The following RFX7 variants were observed in gnomAD, a reference collection of about 807,000 sequenced individuals.
RFX7 encodes the protein regulatory factor X7, also known as DNA-binding protein RFX7.
RFX7 carries 26 observed loss-of-function variants against 111.8 expected under a neutral mutation model. The ratio of observed to expected loss-of-function variants is 0.23; its 90% CI spans 0.17 to 0.32. RFX7 has a LOEUF of 0.32. Among genes scored for constraint, RFX7 ranks in the 10% least tolerant of loss-of-function variants. RFX7 has a pLI of 1.00. For missense variants in RFX7, 1,573 were observed against 1,772.9 expected (o/e 0.89, Z 2.02); for synonymous variants, 624 against 624.4 (o/e 1.00, Z 0.01).
At chr15:56,098,041 C>T in intron 9 of RFX7, 40 bp downstream of exon 9, 1 of 1,578,436 alleles carries the variant, frequency 6.3e-7, no homozygotes, top group Non-Finnish European at 8.6e-7. Flanking sequence ...GTTGATTTCC[C>T]ACCATCCCAA....
In RFX7 at chr15:56,088,449, A is replaced by G. The variant is rs911669725; in HGVS notation, c.*4896T>C. 6.6e-6 allele frequency: 1 copy of G among 152,218 alleles called. No homozygotes were observed. Among genetic ancestry groups the G allele is most frequent in the Admixed American group, 6.5e-5 (1 of 15,280 alleles). The allele number at this position is 152,218 out of a possible 1,614,324, so 9.4% of individuals were successfully genotyped here. On this transcript the variant is annotated 3_prime_UTR_variant, in exon 10 of 10. Transcript: ENST00000559447. ...ACCACAGTAATATCACTCTCATGAT[A>G]TATTTTATTTATATGACTCTCTTCT... is the stretch of plus-strand genomic sequence containing the variant.
At chr15:56,233,557 A>C (rs1220810791) in intron 2 of RFX7, among the ~76,000 whole-genome samples, 2 of 152,204 alleles carry the variant, frequency 1.3e-5, no homozygotes, top group Non-Finnish European at 2.9e-5. Flanking sequence ...GGACACGAGG[A>C]TGAGAGAAAA....
chr15:56,221,607 T>C (rs2043427264), intron 2 of RFX7, among the ~76,000 whole-genome samples: 1 of 152,192 alleles, frequency 6.6e-6, no homozygotes, highest in South Asian at 2.1e-4. Flanking sequence ...TTCATTCTGT[T>C]CCACTGTTCC....
intron 5 of RFX7, among the ~76,000 whole-genome samples, chr15:56,138,209 G>T (rs1370043445): frequency 1.5e-5 from 2 of 130,554 alleles, no homozygotes; most frequent in African/African-American, 5.8e-5. Context: ...AATGTTGACA[G>T]TGGGGTGTTA....
chr15:56,111,661 C>CA (rs371681721), intron 5 of RFX7, among the ~76,000 whole-genome samples: 36,538 of 95,536 alleles, frequency 0.38, 7,404 homozygotes, highest in Non-Finnish European at 0.47. Context: ...ATAAATAAAC[C>CA]AAAAAAAAAA....
intron 5 of RFX7, among the ~76,000 whole-genome samples, chr15:56,135,940 A>G (rs1164020666): frequency 6.6e-6 from 1 of 152,080 alleles, no homozygotes; most frequent in Admixed American, 6.6e-5. Context: ...ATGCGGCATT[A>G]TTTTTGAGGG....
intron 3 of RFX7, among the ~76,000 whole-genome samples, chr15:56,153,038 T>C (rs1049033836): frequency 3.3e-5 from 5 of 152,112 alleles, no homozygotes; most frequent in African/African-American, 4.8e-5. Flanking sequence ...AATAGACCAA[T>C]AACAAGCTCT....
At chr15:56,181,763 A>G (rs758945020) in intron 2 of RFX7, among the ~76,000 whole-genome samples, 1 of 152,166 alleles carries the variant, frequency 6.6e-6, no homozygotes, top group Non-Finnish European at 1.5e-5. Context: ...GGTTCTATCC[A>G]CCTATCACAA....
rs551759750 is a variant in RFX7 at position 56,217,322 on chromosome 15, C to T, written c.161+25803G>A. Among the ~76,000 whole-genome samples, 45 of 152,210 alleles carry T rather than the reference C, an allele frequency of 3.0e-4. No homozygotes were observed. The South Asian group carries it at 3.7e-3, about 13-fold the overall frequency. Reference sequence around the variant, plus strand: ...CACAATATATCATGCAGTCCACTTTCGCATTTTCCCTAATTATCTCAAGAA... The same window carrying T: ...CACAATATATCATGCAGTCCACTTTTGCATTTTCCCTAATTATCTCAAGAA... On this transcript the variant is annotated intron_variant, in intron 2 of 9. Transcript: ENST00000559447.
intron 2 of RFX7, among the ~76,000 whole-genome samples, chr15:56,196,925 C>T (rs1470648751): frequency 1.3e-5 from 2 of 152,040 alleles, no homozygotes; most frequent in South Asian, 2.1e-4. Flanking sequence ...CACAAATATT[C>T]GCACACACAC....
At chr15:56,172,656 C>G (rs1335984232) in intron 3 of RFX7, among the ~76,000 whole-genome samples, 4 of 152,112 alleles carry the variant, frequency 2.6e-5, no homozygotes, top group African/African-American at 9.7e-5. Context: ...TGGAGTACCA[C>G]AAGGCAACTT....
At chr15:56,189,254 G>A (rs1432975049) in intron 2 of RFX7, among the ~76,000 whole-genome samples, 1 of 152,098 alleles carries the variant, frequency 6.6e-6, no homozygotes, top group Non-Finnish European at 1.5e-5. Flanking sequence ...AGGCGTGGTG[G>A]TGCATGCCTG....
At chr15:56,131,555 G>A (rs919106957) in intron 5 of RFX7, among the ~76,000 whole-genome samples, 3 of 152,044 alleles carry the variant, frequency 2.0e-5, no homozygotes, top group Non-Finnish European at 4.4e-5. Flanking sequence ...CACTGTGCCC[G>A]GCCTATATTA....
At chr15:56,102,123 T>A (rs1249635800) in intron 7 of RFX7, 46 bp downstream of exon 7, 4 of 1,373,538 alleles carry the variant, frequency 2.9e-6, no homozygotes, top group African/African-American at 1.4e-5. Flanking sequence ...AATGTTAATA[T>A]AAAGGTACAA....
At position 56,184,516 on chromosome 15, in the gene RFX7, G is replaced by A. The variant is rs150284860; in HGVS notation, c.162-5213C>T. On this transcript the variant is annotated intron_variant, in intron 2 of 9. Coordinates refer to ENST00000559447, the MANE Select transcript of RFX7 (RefSeq NM_022841.7). ...TAGAAGATATCCTTGTTTTGTTTCC[G>A]CATTAAAGAATTTACTTCTAAACTT... 1.1e-3 allele frequency among the ~76,000 whole-genome samples: 166 copies of A among 151,864 alleles called. 1 individual carries two copies. Among genetic ancestry groups the A allele is most frequent in the African/African-American group, 3.8e-3 (157 of 41,426 alleles).
intron 5 of RFX7, among the ~76,000 whole-genome samples, chr15:56,115,531 G>GAC (rs768597473): frequency 1.2e-4 from 18 of 151,906 alleles, no homozygotes; most frequent in Non-Finnish European, 2.5e-4. Context: ...TTAAAGCAAA[G>GAC]ACACACACAC....
Position 56,094,235 on chromosome 15 carries a change from G to C in RFX7, c.3493C>G (p.Arg1165Gly). The C allele has an allele frequency of 6.2e-7, 1 of 1,613,912 alleles. No individual in the cohort carries two copies. The highest frequency in any genetic ancestry group is 8.5e-7 in the Non-Finnish European group (1 of 1,179,844). The change falls in exon 10 of 10, where the codon CGG becomes GGG. Residue 1165 changes from arginine (R) to glycine (G), a missense_variant. Physicochemically the swap from Arg to Gly is moderately radical, Grantham distance 125. Around this residue, in one of 7 missense-constraint regions of RFX7, gnomAD observed 411 missense variants for 478.1 expected, o/e 0.86. Coordinates refer to ENST00000559447, the MANE Select transcript of RFX7 (RefSeq NM_022841.7). Reference protein sequence around the residue: ...NSSASSNFRCRSVSPAVHRQR... With the variant: ...NSSASSNFRCGSVSPAVHRQR... ...CGATGAACAGCAGGGCTCACACTCCGGCATCTGAAGTTGCTGCTGGCAGAT... is the reference window on the plus strand; with the variant it reads ...CGATGAACAGCAGGGCTCACACTCCCGCATCTGAAGTTGCTGCTGGCAGAT...
Position 56,239,890 on chromosome 15 carries a change from G to C in RFX7, c.161+3235C>G, listed in dbSNP as rs112738712. Among the ~76,000 whole-genome samples the C allele has an allele frequency of 5.8e-3, 885 of 151,292 alleles. 3 individuals carry two copies. The highest frequency in any genetic ancestry group is 0.01 in the Middle Eastern group (3 of 292). Reference sequence around the variant, plus strand: ...TTAAAAAGGTAAATAAAAGGACTTAGTAAATGTGTTTACTGTTGCTTACAC... The same window carrying C: ...TTAAAAAGGTAAATAAAAGGACTTACTAAATGTGTTTACTGTTGCTTACAC... On this transcript the variant is annotated intron_variant, in intron 2 of 9. Coordinates refer to ENST00000559447, the MANE Select transcript of RFX7 (RefSeq NM_022841.7).
At chr15:56,150,438 C>T (rs1371823617) in intron 3 of RFX7, among the ~76,000 whole-genome samples, 2 of 152,200 alleles carry the variant, frequency 1.3e-5, no homozygotes, top group African/African-American at 2.4e-5. Flanking sequence ...AGGTGCTCCG[C>T]TGGGTCGCAG....
Sources: gnomAD v4.1 joint callset for allele counts (sites outside exome capture counted in the v4.1 genomes callset) on GRCh38, gnomAD v4.1.1 for gene constraint, gnomAD v4.1.1 regional missense constraint, MANE v1.5 for transcripts, NCBI Gene and HGNC (gene_info 2026-07-23, HGNC 2026-07-21) for gene names.